FBXW8: variants seen among roughly 807,000 people sequenced by gnomAD.
The protein encoded by FBXW8 is F-box and WD repeat domain containing 8.
Under a neutral mutation model 65.3 loss-of-function variants are expected in FBXW8, and 57 were observed. That is an observed-to-expected ratio of 0.87 (90% CI 0.71 to 1.09). FBXW8 has a LOEUF of 1.09. FBXW8 is among the 50% of genes least tolerant of loss of function. The probability of loss-of-function intolerance (pLI) is 0.00; values close to 1 mark genes in which losing one functional copy is unlikely to be tolerated. For missense variants in FBXW8, 777 were observed against 814.8 expected, an observed-to-expected ratio of 0.95 and a Z score of 0.57; for synonymous variants, 308 against 330.2, an observed-to-expected ratio of 0.93 and a Z score of 0.73.
intron 1 of FBXW8, among the ~76,000 whole-genome samples, chr12:116,913,208 T>A (rs1880135485): frequency 6.6e-6 from 1 of 152,246 alleles, no homozygotes; most frequent in East Asian, 1.9e-4. Flanking sequence ...CTCTACTGTA[T>A]AGCCTCCTTT....
At chr12:116,984,002 G>A (rs905967336) in intron 5 of FBXW8, among the ~76,000 whole-genome samples, 2 of 152,164 alleles carry the variant, frequency 1.3e-5, no homozygotes, top group Non-Finnish European at 2.9e-5. Context: ...GTCACAAACT[G>A]TTATCTCCAC....
intron 6 of FBXW8, 143 bp from the exon 7 acceptor site, chr12:116,988,520 T>C: frequency 1.4e-6 from 1 of 720,676 alleles, no homozygotes; most frequent in African/African-American, 1.7e-5. Context: ...GAGCTGTTTG[T>C]GTTTCATTTC....
chr12:117,007,406 A>T (rs970239449), intron 7 of FBXW8, among the ~76,000 whole-genome samples: 1 of 152,182 alleles, frequency 6.6e-6, no homozygotes, highest in Non-Finnish European at 1.5e-5. Context: ...TCCTATAGTT[A>T]CCATTGTAAA....
intron 8 of FBXW8, among the ~76,000 whole-genome samples, chr12:117,020,969 T>C (rs1395538541): frequency 6.6e-6 from 1 of 152,238 alleles, no homozygotes; most frequent in African/African-American, 2.4e-5. Context: ...TGGACTCTTG[T>C]GTAGCTACCT....
At chr12:117,026,805 C>T (rs997379119) in intron 9 of FBXW8, among the ~76,000 whole-genome samples, 3 of 152,252 alleles carry the variant, frequency 2.0e-5, no homozygotes, top group Middle Eastern at 3.2e-3. Context: ...TGTCTCCTAG[C>T]TCAGTGCCGT....
At chr12:116,933,220 C>T (rs570213118) in intron 2 of FBXW8, among the ~76,000 whole-genome samples, 3 of 152,314 alleles carry the variant, frequency 2.0e-5, no homozygotes, top group Admixed American at 1.3e-4. Flanking sequence ...TGCTGTTAGC[C>T]GAAGTCTTGG....
Position 116,985,337 on chromosome 12 carries a change from G to A in FBXW8, c.967G>A (p.Val323Met), listed in dbSNP as rs372519246. ...TVATASAFDV[V>M]MLSPNEEGYW... ...GGCCACAGCTTCTGCTTTTGATGTC[G>A]TGATGTTATCCCCCAATGAGGAGGG... Residue 323 changes from valine to methionine, a missense_variant, in exon 6 of 11, where the codon GTG becomes ATG. Coordinates refer to ENST00000652555, the MANE Select transcript of FBXW8 (RefSeq NM_153348.3). The A allele has an allele frequency of 6.2e-6, 10 of 1,614,066 alleles. No individual in the cohort carries two copies. Among genetic ancestry groups the A allele is most frequent in the African/African-American group, 4.0e-5 (3 of 74,920 alleles).
chr12:117,022,262 C>T (rs1954116356), intron 8 of FBXW8, among the ~76,000 whole-genome samples: 1 of 151,760 alleles, frequency 6.6e-6, no homozygotes, highest in South Asian at 2.1e-4. Flanking sequence ...CCCAGAAAGC[C>T]ATTTACTCAT....
intron 5 of FBXW8, 143 bp from the exon 6 acceptor site, chr12:116,985,063 G>A (rs73397478): frequency 0.025 from 15,185 of 618,124 alleles, 646 homozygotes; most frequent in African/African-American, 0.13. Context: ...TATATGAAAC[G>A]TAAGTGATTT....
chr12:116,949,399 C>A, intron 3 of FBXW8: 1 of 561,680 alleles, frequency 1.8e-6, no homozygotes, highest in Admixed American at 2.8e-5. Context: ...CCTGTGTCCT[C>A]GAGTTCAGTG....
intron 4 of FBXW8, among the ~76,000 whole-genome samples, chr12:116,960,173 G>C (rs1883895999): frequency 6.6e-6 from 1 of 152,216 alleles, no homozygotes; most frequent in Admixed American, 6.5e-5. Context: ...GGCCAATGTT[G>C]TTAAGCACTT....
intron 6 of FBXW8, chr12:116,987,222 G>C (rs1049316820): frequency 6.6e-6 from 1 of 152,360 alleles, no homozygotes; most frequent in African/African-American, 2.4e-5. Flanking sequence ...GCTCCCTCCA[G>C]CTCTTCTGGA....
rs766599677 is a variant in FBXW8, at chr12:116,985,206, G to A, written c.836G>A (p.Gly279Glu). The A allele has an allele frequency of 3.8e-6, 6 of 1,595,452 alleles. No individual in the cohort carries two copies. The highest frequency in any genetic ancestry group is 2.2e-5 in the East Asian group (1 of 44,606). ...ACCTGCATTGTTTCTTGCTGCATAG[G>A]GTTTCTTAATATTTGGGATTTAAGG... Reference protein sequence around the residue: ...SSLAVAAYEDGFLNIWDLRTG... With the variant: ...SSLAVAAYEDEFLNIWDLRTG... Residue 279 changes from glycine (G) to glutamate (E), a missense_variant and splice_region_variant, in exon 6 of 11, where the codon GGG becomes GAG. Transcript: ENST00000652555.
intron 1 of FBXW8, among the ~76,000 whole-genome samples, chr12:116,914,564 C>T (rs1880247627): frequency 7.7e-6 from 1 of 129,512 alleles, no homozygotes; most frequent in Admixed American, 8.4e-5. Context: ...CAGAGCGAAA[C>T]CCTGTCTCAA....
intron 7 of FBXW8, among the ~76,000 whole-genome samples, chr12:116,995,276 T>G (rs750112649): frequency 6.6e-6 from 1 of 152,160 alleles, no homozygotes; most frequent in Non-Finnish European, 1.5e-5. Flanking sequence ...CACAATTCTT[T>G]TAATCTGACC....
At chr12:116,964,676 A>C in intron 4 of FBXW8, 21 bp from the exon 5 acceptor site, 1 of 1,613,066 alleles carries the variant, frequency 6.2e-7, no homozygotes, top group Non-Finnish European at 8.5e-7. Flanking sequence ...TTTTGGAACC[A>C]AGTGTGTCGT....
intron 7 of FBXW8, among the ~76,000 whole-genome samples, chr12:117,005,064 C>T (rs1477564471): frequency 1.3e-5 from 2 of 152,178 alleles, no homozygotes; most frequent in Non-Finnish European, 2.9e-5. Context: ...AGAGGTGGGA[C>T]TGTCGGACTG....
intron 1 of FBXW8, among the ~76,000 whole-genome samples, chr12:116,924,306 G>A (rs542059878): frequency 2.2e-4 from 34 of 152,062 alleles, no homozygotes; most frequent in African/African-American, 7.2e-4. Flanking sequence ...TATTTTTAAT[G>A]GACACATTAT....
chr12:116,981,150 C>T (rs940781614), intron 5 of FBXW8, among the ~76,000 whole-genome samples: 5 of 152,236 alleles, frequency 3.3e-5, no homozygotes, highest in Admixed American at 6.5e-5. Context: ...CAGTTATTCA[C>T]TATTCAAGTC....
Sources: gnomAD v4.1 joint callset for allele counts (sites outside exome capture counted in the v4.1 genomes callset) on GRCh38, gnomAD v4.1.1 for gene constraint, MANE v1.5 for transcripts, NCBI Gene and HGNC (gene_info 2026-07-23, HGNC 2026-07-21) for gene names.